FGA: variants seen among roughly 807,000 people sequenced by gnomAD.
FGA encodes fibrinogen alpha chain.
FGA carries 20 observed loss-of-function variants against 20.3 expected under a neutral mutation model. That is an observed-to-expected ratio of 0.99 (90% CI 0.69 to 1.43). FGA has a LOEUF of 1.43. Ranked by LOEUF, FGA falls within the 40% of genes most tolerant of loss-of-function variation. FGA has a pLI of 0.00. For missense variants in FGA, 777 were observed against 784.7 expected (o/e 0.99, Z 0.12); for synonymous variants, 306 against 281.6 (o/e 1.09, Z -0.87).
intron 1 of FGA, 120 bp from the exon 2 acceptor site, chr4:154,589,682 G>T: frequency 9.0e-7 from 1 of 1,110,864 alleles, no homozygotes; most frequent in Non-Finnish European, 1.4e-6. Context: ...ATTAAGGAGA[G>T]CAGACACAGG....
At chr4:154,584,517 A>C (rs965539028), downstream of FGA, 2 of 1,614,080 alleles carry the variant, frequency 1.2e-6, no homozygotes, top group African/African-American at 2.7e-5. Context: ...ATTCTGCATA[A>C]GCTTCATTCC....
intron 3 of FGA, 46 bp downstream of exon 3, chr4:154,588,747 T>C: frequency 7.6e-7 from 1 of 1,314,336 alleles, no homozygotes; most frequent in Middle Eastern, 2.6e-4. Flanking sequence ...TTAGGATTTT[T>C]GTTGTTTCTG....
At chr4:154,589,693 G>C (rs776136018) in intron 1 of FGA, 131 bp from the exon 2 acceptor site, 27 of 951,968 alleles carry the variant, frequency 2.8e-5, no homozygotes, top group Non-Finnish European at 4.5e-5. Context: ...CAGACACAGG[G>C]CTTCGGCAAG....
intron 4 of FGA, 75 bp from the exon 5 acceptor site, chr4:154,586,993 GT>G: frequency 2.1e-6 from 3 of 1,461,436 alleles, no homozygotes; most frequent in Non-Finnish European, 2.8e-6. Context: ...GTTCCTGGTA[GT>G]TAATTTTCCT....
intron 3 of FGA, among the ~76,000 whole-genome samples, chr4:154,588,537 A>G (rs1730791960): frequency 6.6e-6 from 1 of 152,214 alleles, no homozygotes; most frequent in Non-Finnish European, 1.5e-5. Context: ...AAAAGAACAC[A>G]TTTAAATTCT....
At chr4:154,583,506 A>G (rs1730634921), downstream of FGA, 2 of 152,218 alleles carry the variant, frequency 1.3e-5, no homozygotes, top group Non-Finnish European at 2.9e-5. Context: ...TGGGAAAAAA[A>G]TAAGTGTGCA....
intron 1 of FGA, 105 bp downstream of exon 1, chr4:154,590,528 AG>A: frequency 1.0e-6 from 1 of 986,652 alleles, no homozygotes; most frequent in South Asian, 1.4e-5. Flanking sequence ...GGGGTCATAA[AG>A]CTAAGAGTGT....
At position 154,585,544 on chromosome 4, in the gene FGA, CAG is replaced by C. The variant is rs1730684644; in HGVS notation, c.1883_1884del (p.Pro628ArgfsTer19). On this transcript the variant is annotated frameshift_variant, in exon 5 of 5. Coordinates refer to ENST00000403106, the MANE Select transcript of FGA (RefSeq NM_021871.4). LOFTEE classifies it high-confidence loss of function. Reference protein sequence around the residue: ...STKRGHAKSRPVRGIHTSPLG... With the variant: ...STKRGHAKSRXVRGIHTSPLG... The stretch of plus-strand genomic sequence containing the variant: ...AAAGGAGAAGTGTGGATACCTCTGA[CAG>C]GGCGAGATTTAGCATGGCCTCTCTT... The C allele has an allele frequency of 6.2e-7, 1 of 1,614,010 alleles. No homozygotes were observed. The highest frequency in any genetic ancestry group is 1.1e-5 in the South Asian group (1 of 91,058).
downstream of FGA, chr4:154,584,812 GT>G (rs1230599585): frequency 6.2e-7 from 1 of 1,612,898 alleles, no homozygotes; most frequent in African/African-American, 1.3e-5. Context: ...TGAAGGATGT[GT>G]TTGGAGGACA....
chr4:154,583,408 T>C (rs956712732), downstream of FGA: 1 of 152,208 alleles, frequency 6.6e-6, no homozygotes, highest in African/African-American at 2.4e-5. Flanking sequence ...GGGAGATTGT[T>C]TATTAATGTG....
Position 154,586,183 on chromosome 4 carries a change from C to A in FGA, c.1246G>T (p.Val416Leu). The A allele has an allele frequency of 6.2e-7, 1 of 1,614,138 alleles. No homozygotes were observed. Among genetic ancestry groups the A allele is most frequent in the South Asian group, 1.1e-5 (1 of 91,072 alleles). ...GTCCCTGGACTTACATTTCCTGACA[C>A]CTCTTCAAATGTGCCCCAGTCTGGG... is the stretch of plus-strand genomic sequence containing the variant. ...NNPDWGTFEEVSGNVSPGTRR... is the reference protein window; with the variant it reads ...NNPDWGTFEELSGNVSPGTRR... Residue 416 changes from valine (V) to leucine (L), a missense_variant, in exon 5 of 5, where the codon GTG becomes TTG. By Grantham distance (32) the Val-to-Leu change is conservative. Transcript: ENST00000403106.
chr4:154,590,592 C>T lies in FGA; in HGVS notation c.54+42G>A. The T allele has an allele frequency of 2.0e-6, 3 of 1,492,556 alleles. No homozygotes were observed. In the South Asian group the frequency reaches 3.6e-5, roughly 18 times the overall value. 92.5% of individuals were successfully genotyped at this position (1,492,556 alleles called of 1,614,324 possible). On this transcript the variant is annotated intron_variant, in intron 1 of 4. Coordinates refer to ENST00000403106, the MANE Select transcript of FGA (RefSeq NM_021871.4). ...ACCTCCAGGCTCTTTGTGGAATAAA[C>T]ACCAGAGAGAAAGCAAGAAGAAAAA... is the stretch of plus-strand genomic sequence containing the variant.
chr4:154,589,049 C>T (rs574678098), intron 2 of FGA, 73 bp from the exon 3 acceptor site: 2 of 1,327,892 alleles, frequency 1.5e-6, no homozygotes, highest in East Asian at 4.6e-5. Flanking sequence ...TGTTTCCATG[C>T]AGCCCCCATT....
At chr4:154,584,497 C>T (rs372219583), downstream of FGA, 31 of 1,614,002 alleles carry the variant, frequency 1.9e-5, no homozygotes, top group African/African-American at 5.3e-5. Flanking sequence ...AGAGCCTACC[C>T]GGAAGTGATA....
chr4:154,586,614 C>T lies in FGA; in HGVS notation c.815G>A (p.Gly272Glu), dbSNP rs201183342. 2.5e-6 allele frequency: 4 copies of T among 1,614,008 alleles called. No individual in the cohort carries two copies. The East Asian group carries it at 8.9e-5, about 36-fold the overall frequency. ...ERPGGNEITRGGSTSYGTGSE... is the reference protein window; with the variant it reads ...ERPGGNEITREGSTSYGTGSE... ...TCCGGTTCCATAAGAGGTGGAGCCT[C>T]CTCGAGTAATCTCATTTCCACCAGG... Residue 272 changes from glycine to glutamate, a missense_variant, in exon 5 of 5, where the codon GGA becomes GAA. By Grantham distance (98) the Gly-to-Glu change is moderately conservative. Coordinates refer to ENST00000403106, the MANE Select transcript of FGA (RefSeq NM_021871.4).
chr4:154,583,574 A>C (rs1730637149), downstream of FGA: 1 of 152,670 alleles, frequency 6.6e-6, no homozygotes, highest in Admixed American at 6.5e-5. Context: ...TTAGGAAAGA[A>C]TGTTTCTCTT....
At chr4:154,587,068 C>A (rs1730746433) in intron 4 of FGA, 150 bp from the exon 5 acceptor site, 1 of 780,158 alleles carries the variant, frequency 1.3e-6, no homozygotes, top group Non-Finnish European at 2.1e-6. Context: ...CTGTTTTCTG[C>A]CTATCGAGCA....
At chr4:154,584,624 C>T, downstream of FGA, 1 of 1,614,200 alleles carries the variant, frequency 6.2e-7, no homozygotes, top group Non-Finnish European at 8.5e-7. Context: ...TCCCCCTCGT[C>T]ATTCAGGCTG....
In FGA at chr4:154,585,813, T is replaced by A; in HGVS notation, c.1616A>T (p.Glu539Val). 1 of 1,614,054 alleles carries A rather than the reference T, an allele frequency of 6.2e-7. No individual in the cohort carries two copies. Among genetic ancestry groups the A allele is most frequent in the Non-Finnish European group, 8.5e-7 (1 of 1,180,002 alleles). The stretch of plus-strand genomic sequence containing the variant: ...CCTAGACTCAGTCTCACTGACAAAC[T>A]CTCCTAACATAGGTGAGAAGAAACC... ...FPGFFSPMLGEFVSETESRGS... is the reference protein window; with the variant it reads ...FPGFFSPMLGVFVSETESRGS... Residue 539 changes from glutamate (E) to valine (V), a missense_variant, in exon 5 of 5, where the codon GAG becomes GTG. Physicochemically the swap from Glu to Val is moderately radical, Grantham distance 121 (BLOSUM62 -2). Transcript: ENST00000403106.
Sources: allele counts gnomAD v4.1 joint callset (sites outside exome capture counted in the v4.1 genomes callset), GRCh38; gene constraint gnomAD v4.1.1; transcripts MANE v1.5; gene names NCBI Gene and HGNC (gene_info 2026-07-23, HGNC 2026-07-21).